RUVBL1: variants seen among roughly 807,000 people sequenced by gnomAD.
RUVBL1 encodes the protein ruvB-like 1.
Under a neutral mutation model 52.4 loss-of-function variants are expected in RUVBL1, and 4 were observed. The ratio of observed to expected loss-of-function variants is 0.08; its 90% CI spans 0.04 to 0.17. The LOEUF (loss-of-function observed/expected upper bound fraction) is 0.17, where lower values mean the gene tolerates loss of function less well. Among genes scored for constraint, RUVBL1 ranks in the 10% least tolerant of loss-of-function variants. RUVBL1 has a pLI of 1.00. For missense variants in RUVBL1, 298 were observed against 572.8 expected (o/e 0.52, Z 4.90); for synonymous variants, 217 against 214.4 (o/e 1.01, Z -0.10).
In RUVBL1 at chr3:128,097,518, G is replaced by T. The variant is rs1411395710; in HGVS notation, c.818-20C>A. ...GTTTGTCTAGGAGATGCAAGGATGG[G>T]CAGGCAAGGTCAGCACAGGGCTGGG... On this transcript the variant is annotated intron_variant, in intron 7 of 10. Transcript: ENST00000322623. The T allele has an allele frequency of 4.3e-6, 7 of 1,611,032 alleles. No individual in the cohort carries two copies. Among genetic ancestry groups the T allele is most frequent in the Non-Finnish European group, 5.9e-6 (7 of 1,177,336 alleles).
At chr3:128,105,865 C>CTTTTTTTTTTTTTTTTTTTTTTTTTTTT (rs11311563) in intron 3 of RUVBL1, among the ~76,000 whole-genome samples, 1 of 88,912 alleles carries the variant, frequency 1.1e-5, no homozygotes, top group Non-Finnish European at 2.2e-5. Context: ...TTCCCTTTTT[C>CTTTTTTTTTTTTTTTTTTTTTTTTTTTT]TTTTTTTTTT....
intron 1 of RUVBL1, among the ~76,000 whole-genome samples, chr3:128,141,642 G>A (rs1049281313): frequency 2.6e-5 from 4 of 152,104 alleles, no homozygotes; most frequent in African/African-American, 9.7e-5. Context: ...GATTACAGAT[G>A]CCCACTACAA....
In RUVBL1 at chr3:128,092,216, C is replaced by T. The variant is rs145255355; in HGVS notation, c.1017-4408G>A. Among the ~76,000 whole-genome samples the T allele has an allele frequency of 2.9e-3, 437 of 152,310 alleles. 4 individuals are homozygous for T. Among genetic ancestry groups the T allele is most frequent in the African/African-American group, 0.01 (423 of 41,570 alleles). On this transcript the variant is annotated intron_variant, in intron 8 of 10. Coordinates refer to ENST00000322623, the MANE Select transcript of RUVBL1 (RefSeq NM_003707.3). Reference sequence around the variant, plus strand: ...ACATGAAAATTAACTACAAATGGATCATAAACCTATATATAAAAGCCGAAA... The same window carrying T: ...ACATGAAAATTAACTACAAATGGATTATAAACCTATATATAAAAGCCGAAA...
intron 1 of RUVBL1, among the ~76,000 whole-genome samples, chr3:128,122,843 G>A (rs1943682339): frequency 6.6e-6 from 1 of 152,194 alleles, no homozygotes; most frequent in African/African-American, 2.4e-5. Context: ...TAAAACGAGT[G>A]TCAAGCATAT....
intron 9 of RUVBL1, among the ~76,000 whole-genome samples, chr3:128,065,719 CAGATCATTA>C (rs542430015): frequency 2.4e-4 from 35 of 145,682 alleles, no homozygotes; most frequent in Middle Eastern, 3.7e-3. Flanking sequence ...AATTTGCAGT[CAGATCATTA>C]AGAATTTTTT....
At chr3:128,120,829 C>T (rs971371862) in intron 1 of RUVBL1, among the ~76,000 whole-genome samples, 9 of 151,938 alleles carry the variant, frequency 5.9e-5, no homozygotes, top group Non-Finnish European at 1.0e-4. Context: ...ACCATGTTAG[C>T]CGGGATGGTC....
rs1306210453 is a variant in RUVBL1 at position 128,081,238 on chromosome 3, ACCT to A, written c.*9_*11del. The stretch of plus-strand genomic sequence containing the variant: ...CCTGGGGAGTCTCTTACTGCTGAAA[ACCT>A]CAGCCATCTCACTTCATGTACTTAT... On this transcript the variant is annotated 3_prime_UTR_variant, in exon 11 of 11. Transcript: ENST00000322623. This position sits in a 1 kb window ranked among gnomAD's most constrained non-coding sequence, Gnocchi z 4.8. 2 of 1,610,254 alleles carry A rather than the reference ACCT, an allele frequency of 1.2e-6. No homozygotes were observed. Among genetic ancestry groups the A allele is most frequent in the Non-Finnish European group, 1.7e-6 (2 of 1,177,064 alleles).
intron 1 of RUVBL1, among the ~76,000 whole-genome samples, chr3:128,148,964 T>G (rs1394762735): frequency 6.6e-6 from 1 of 152,036 alleles, no homozygotes; most frequent in Non-Finnish European, 1.5e-5. Context: ...TTTGAACATA[T>G]CAAAAATGTA....
chr3:128,128,013 TACA>T (rs1943819075), upstream of RUVBL1, among the ~76,000 whole-genome samples: 1 of 138,094 alleles, frequency 7.2e-6, no homozygotes, highest in African/African-American at 2.8e-5. Flanking sequence ...AATAAATACA[TACA>T]TACATACATA....
At chr3:128,076,807 G>GT (rs1241196365), downstream of RUVBL1, among the ~76,000 whole-genome samples, 5 of 152,262 alleles carry the variant, frequency 3.3e-5, no homozygotes, top group East Asian at 9.7e-4. The surrounding 1 kb of genome is among the most constrained non-coding windows in gnomAD (Gnocchi z 6.8). Flanking sequence ...CGGCTCCAGT[G>GT]TAAGTGCAGC....
downstream of RUVBL1, among the ~76,000 whole-genome samples, chr3:128,077,590 C>T (rs1021856676): frequency 6.6e-6 from 1 of 152,228 alleles, no homozygotes; most frequent in East Asian, 1.9e-4. Flanking sequence ...CTGCCTCAGC[C>T]CTAGCTGAGC....
rs187678767 is a variant in RUVBL1 at position 128,116,485 on chromosome 3, C to T, written c.228+2843G>A. Among the ~76,000 whole-genome samples the T allele has an allele frequency of 3.5e-4, 53 of 150,724 alleles. No individual in the cohort carries two copies. In the East Asian group the frequency reaches 9.8e-3, roughly 28 times the overall value. ...CAGAGATTGCAGTGAGCCAAGATCA[C>T]GCCACTGTACTCCACCCTGGGCAAG... On this transcript the variant is annotated intron_variant, in intron 2 of 10. Coordinates refer to ENST00000322623, the MANE Select transcript of RUVBL1 (RefSeq NM_003707.3).
Position 128,104,948 on chromosome 3 carries a change from A to G in RUVBL1, c.362-24T>C, listed in dbSNP as rs776519517. 2.5e-6 allele frequency: 4 copies of G among 1,585,900 alleles called. No individual in the cohort carries two copies. The Admixed American group carries it at 5.0e-5, about 20-fold the overall frequency. On this transcript the variant is annotated intron_variant, in intron 3 of 10. Transcript: ENST00000322623. ...CCCTGGAAGAGGTGGCAGAGGGGCC[A>G]TGGTGAGAAGCAGAATCTTTTCTCT...
chr3:128,114,388 C>G (rs35947214), intron 2 of RUVBL1, among the ~76,000 whole-genome samples: 21,534 of 152,128 alleles, frequency 0.14, 1,725 homozygotes, highest in African/African-American at 0.21. Flanking sequence ...GTGTATAGCA[C>G]AGTATAAAAT....
chr3:128,123,076 GT>G (rs1466066340), intron 1 of RUVBL1, among the ~76,000 whole-genome samples: 3 of 152,074 alleles, frequency 2.0e-5, no homozygotes, highest in African/African-American at 7.3e-5. Context: ...TTAAAGTTTA[GT>G]CAATTCCCTA....
In RUVBL1 at chr3:128,104,755, C is replaced by T; in HGVS notation, c.513+18G>A. On this transcript the variant is annotated intron_variant, in intron 4 of 10. Transcript: ENST00000322623. ...GCTGGGAGAGTCAAGGGAAAAGAGG[C>T]CACATACATGTACTCACTTTCAACT... is the stretch of plus-strand genomic sequence containing the variant. 2.5e-6 allele frequency: 4 copies of T among 1,589,346 alleles called. No homozygotes were observed. The highest frequency in any genetic ancestry group is 3.4e-6 in the Non-Finnish European group (4 of 1,160,040).
upstream of RUVBL1, chr3:128,123,824 C>T: frequency 2.8e-6 from 4 of 1,432,926 alleles, no homozygotes; most frequent in Non-Finnish European, 3.7e-6. Context: ...GGGCAATTTG[C>T]AAAGGCCCGC....
At chr3:128,104,550 T>C (rs1273313067) in intron 4 of RUVBL1, among the ~76,000 whole-genome samples, 1 of 152,226 alleles carries the variant, frequency 6.6e-6, no homozygotes, top group Non-Finnish European at 1.5e-5. Context: ...CAGAGTTTCC[T>C]AGGAGTAAGT....
At chr3:128,071,758 G>C (rs569943047) in intron 9 of RUVBL1, 1 of 152,794 alleles carries the variant, frequency 6.5e-6, no homozygotes. Context: ...CTTGGTTGCA[G>C]CTTTGTGTGT....
Sources: allele counts gnomAD v4.1 joint callset (sites outside exome capture counted in the v4.1 genomes callset), GRCh38; gene constraint gnomAD v4.1.1; non-coding constraint Gnocchi (gnomAD v3.1); transcripts MANE v1.5; gene names NCBI Gene and HGNC (gene_info 2026-07-23, HGNC 2026-07-21).